Variants in FBXL7 observed in about 807,000 individuals in gnomAD.
FBXL7 encodes the protein F-box/LRR-repeat protein 7.
FBXL7 carries 12 observed loss-of-function variants against 38.3 expected under a neutral mutation model. The ratio of observed to expected loss-of-function variants is 0.31; its 90% CI spans 0.20 to 0.51. The LOEUF is 0.51. Among genes scored for constraint, FBXL7 ranks in the 20% least tolerant of loss-of-function variants. FBXL7 has a pLI of 0.98. For synonymous variants in FBXL7, 297 were observed against 300.9 expected (o/e 0.99, Z 0.13); for missense variants, 567 against 676.4 (o/e 0.84, Z 1.79).
intron 2 of FBXL7, among the ~76,000 whole-genome samples, chr5:15,638,636 G>A (rs557766635): frequency 6.6e-6 from 1 of 152,070 alleles, no homozygotes; most frequent in African/African-American, 2.4e-5. Flanking sequence ...GGTAGGTAGG[G>A]TGGGGGTGAT....
intron 2 of FBXL7, among the ~76,000 whole-genome samples, chr5:15,832,408 C>CA (rs1738481757): frequency 1.3e-5 from 2 of 152,130 alleles, no homozygotes; most frequent in Non-Finnish European, 2.9e-5. Flanking sequence ...TGTTCCTTAA[C>CA]AAATACCAGT....
rs750542921 is a variant in FBXL7 at position 15,936,411 on chromosome 5, G to A, written c.740-39G>A. 2.5e-5 allele frequency: 39 copies of A among 1,586,360 alleles called. No homozygotes were observed. The highest frequency in any genetic ancestry group is 3.3e-5 in the Non-Finnish European group (39 of 1,165,602). ...ATCCCCAGGCGTGGCTCCCCTGCTG[G>A]CAGGTTGCTCTGAGCCTGTGTTCTG... is the stretch of plus-strand genomic sequence containing the variant. On this transcript the variant is annotated intron_variant, in intron 3 of 3. Transcript: ENST00000504595. The surrounding 1 kb of genome is among the most constrained non-coding windows in gnomAD (Gnocchi z 6.0).
chr5:15,527,857 C>A (rs201923221), intron 1 of FBXL7, among the ~76,000 whole-genome samples: 1 of 152,156 alleles, frequency 6.6e-6, no homozygotes, highest in East Asian at 1.9e-4. Context: ...AATATCTGGA[C>A]TCTCATATTT....
intron 1 of FBXL7, among the ~76,000 whole-genome samples, chr5:15,594,024 A>T (rs758281699): frequency 3.9e-5 from 6 of 152,224 alleles, no homozygotes; most frequent in Non-Finnish European, 7.3e-5. Context: ...CTAAAGATTC[A>T]TTCTACTCAT....
chr5:15,906,364 A>G (rs1203319155), intron 2 of FBXL7, among the ~76,000 whole-genome samples: 1 of 151,534 alleles, frequency 6.6e-6, no homozygotes, highest in Non-Finnish European at 1.5e-5. Flanking sequence ...GGCTGTTGAG[A>G]TATGGGTGCT....
chr5:15,791,531 A>T (rs931221907), intron 2 of FBXL7, among the ~76,000 whole-genome samples: 5 of 152,164 alleles, frequency 3.3e-5, no homozygotes, highest in African/African-American at 1.2e-4. Context: ...TAAACAGGGT[A>T]ATTGGGAAGA....
rs555332956 is a variant in FBXL7 at position 15,676,457 on chromosome 5, T to C, written c.127+60385T>C. 2.0e-5 allele frequency among the ~76,000 whole-genome samples: 3 copies of C among 152,348 alleles called. No homozygotes were observed. In the South Asian group the frequency reaches 6.2e-4, roughly 32 times the overall value. On this transcript the variant is annotated intron_variant, in intron 2 of 3. Coordinates refer to ENST00000504595, the MANE Select transcript of FBXL7 (RefSeq NM_012304.5). ...AGAAGCAGAAAATATGGTTATGCCT[T>C]TCAAAAACATCTGCAAAGGTTTTTG...
chr5:15,894,637 T>C lies in FBXL7; in HGVS notation c.128-33253T>C, dbSNP rs557691806. 2.0e-5 allele frequency among the ~76,000 whole-genome samples: 3 copies of C among 152,346 alleles called. No homozygotes were observed. In the South Asian group the frequency reaches 6.2e-4, roughly 32 times the overall value. ...TTTACTGATGTCTATGGGAGTTACC[T>C]AAAAGATTCCTTCTAAGGAGAATAT... is the stretch of plus-strand genomic sequence containing the variant. On this transcript the variant is annotated intron_variant, in intron 2 of 3. Coordinates refer to ENST00000504595, the MANE Select transcript of FBXL7 (RefSeq NM_012304.5).
chr5:15,669,155 T>C (rs1314217918), intron 2 of FBXL7, among the ~76,000 whole-genome samples: 2 of 152,210 alleles, frequency 1.3e-5, no homozygotes, highest in Non-Finnish European at 1.5e-5. Context: ...ATTGAGCAGA[T>C]GGTAACTAAT....
intron 2 of FBXL7, among the ~76,000 whole-genome samples, chr5:15,715,002 GCA>G (rs1460632403): frequency 6.6e-6 from 1 of 152,066 alleles, no homozygotes; most frequent in African/African-American, 2.4e-5. Context: ...GGAAAATGCA[GCA>G]CACAGATTCT....
intron 2 of FBXL7, among the ~76,000 whole-genome samples, chr5:15,693,682 C>G (rs542507307): frequency 6.6e-6 from 1 of 152,262 alleles, no homozygotes; most frequent in East Asian, 1.9e-4. Context: ...AGCTGGACAT[C>G]AAGAGGAACA....
At chr5:15,883,231 C>T (rs1376572018) in intron 2 of FBXL7, among the ~76,000 whole-genome samples, 1 of 152,166 alleles carries the variant, frequency 6.6e-6, no homozygotes, top group Non-Finnish European at 1.5e-5. Context: ...TAGATGCTGC[C>T]TAAAAGCCTT....
rs559189202 is a variant in FBXL7 at position 15,557,628 on chromosome 5, C to T, written c.37+56915C>T. On this transcript the variant is annotated intron_variant, in intron 1 of 3. Transcript: ENST00000504595. ...GACATAAGAGTTGTTTAGCCTGCTTCGTGAAGGGTAAGGAGGCCTGAAGAC... is the reference window on the plus strand; with the variant it reads ...GACATAAGAGTTGTTTAGCCTGCTTTGTGAAGGGTAAGGAGGCCTGAAGAC... 8.5e-5 allele frequency among the ~76,000 whole-genome samples: 13 copies of T among 152,266 alleles called. No individual in the cohort carries two copies. In the South Asian group the frequency reaches 2.3e-3, roughly 27 times the overall value.
At chr5:15,819,127 A>G (rs1738100199) in intron 2 of FBXL7, among the ~76,000 whole-genome samples, 1 of 152,218 alleles carries the variant, frequency 6.6e-6, no homozygotes, top group African/African-American at 2.4e-5. Flanking sequence ...AATTTTCTGC[A>G]TTGCAAACCA....
chr5:15,623,494 T>G (rs1349933645), intron 2 of FBXL7, among the ~76,000 whole-genome samples: 1 of 152,242 alleles, frequency 6.6e-6, no homozygotes, highest in African/African-American at 2.4e-5. Flanking sequence ...ATCACCAATT[T>G]GAAGTCATGA....
chr5:15,921,044 A>G (rs895965615), intron 2 of FBXL7, among the ~76,000 whole-genome samples: 1 of 152,182 alleles, frequency 6.6e-6, no homozygotes, highest in Admixed American at 6.5e-5. Context: ...TTATAATTTT[A>G]ATAAAATTTT....
At chr5:15,934,006 CT>C (rs1205250342) in intron 3 of FBXL7, among the ~76,000 whole-genome samples, 1 of 151,944 alleles carries the variant, frequency 6.6e-6, no homozygotes, top group African/African-American at 2.4e-5. Flanking sequence ...CGGTTTTTGT[CT>C]TTATTTATCT....
intron 2 of FBXL7, among the ~76,000 whole-genome samples, chr5:15,904,839 G>A (rs1741317111): frequency 1.3e-5 from 2 of 152,008 alleles, no homozygotes; most frequent in Non-Finnish European, 2.9e-5. Flanking sequence ...CTTCCTAGAG[G>A]GAACTGGAAC....
chr5:15,643,487 A>G (rs865777417), intron 2 of FBXL7, among the ~76,000 whole-genome samples: 1 of 152,238 alleles, frequency 6.6e-6, no homozygotes, highest in Non-Finnish European at 1.5e-5. Flanking sequence ...GGATGGAACA[A>G]CATGTGGAAA....
Sources: allele counts gnomAD v4.1 joint callset (sites outside exome capture counted in the v4.1 genomes callset), GRCh38; gene constraint gnomAD v4.1.1; non-coding constraint Gnocchi (gnomAD v3.1); transcripts MANE v1.5; gene names NCBI Gene and HGNC (gene_info 2026-07-23, HGNC 2026-07-21).